The following CTNNA2 variants were observed in gnomAD, a reference collection of about 807,000 sequenced individuals.
The protein encoded by CTNNA2 is catenin alpha 2.
CTNNA2 carries 42 observed loss-of-function variants against 101.0 expected under a neutral mutation model. That is an observed-to-expected ratio of 0.42 (90% CI 0.32 to 0.54). The LOEUF (loss-of-function observed/expected upper bound fraction) is 0.54, where lower values mean the gene tolerates loss of function less well. Ranked by LOEUF, CTNNA2 falls within the 20% of genes least tolerant of loss-of-function variation. The pLI is 0.14. For missense variants in CTNNA2, 871 were observed against 1,223.1 expected (o/e 0.71, Z 4.29); for synonymous variants, 450 against 456.4 (o/e 0.99, Z 0.18).
chr2:80,471,729 T>A (rs1044402113), intron 9 of CTNNA2, among the ~76,000 whole-genome samples: 14 of 152,152 alleles, frequency 9.2e-5, no homozygotes, highest in African/African-American at 3.4e-4. Flanking sequence ...CGATATACCA[T>A]AATGTAAGGA....
At chr2:79,988,901 T>C (rs1006426257) in intron 7 of CTNNA2, among the ~76,000 whole-genome samples, 2 of 152,240 alleles carry the variant, frequency 1.3e-5, no homozygotes, top group Non-Finnish European at 2.9e-5. Flanking sequence ...AAGTCTACTG[T>C]AATTTGTATT....
chr2:80,359,355 C>T (rs1298111374), intron 7 of CTNNA2, among the ~76,000 whole-genome samples: 1 of 152,176 alleles, frequency 6.6e-6, no homozygotes, highest in Admixed American at 6.6e-5. Context: ...TACATTTATG[C>T]CGATGATACA....
Position 79,494,277 on chromosome 2 carries a change from A to ATT in CTNNA2, c.-134-10764_-134-10763dup, listed in dbSNP as rs35039244. Among the ~76,000 whole-genome samples the ATT allele has an allele frequency of 7.7e-3, 1,128 of 147,202 alleles. 7 individuals are homozygous for ATT. The highest frequency in any genetic ancestry group is 0.026 in the African/African-American group (1,033 of 40,348). ...TCCTTTAAAAATTCCCAGCTGCCCT[A>ATT]TTTTTTTTTTTTTTCAGAAATTGAC... On this transcript the variant is annotated intron_variant, in intron 4 of 21. Coordinates refer to the CTNNA2 transcript ENST00000466387.
At chr2:80,342,209 C>G (rs1474305474) in intron 7 of CTNNA2, among the ~76,000 whole-genome samples, 1 of 152,146 alleles carries the variant, frequency 6.6e-6, no homozygotes, top group African/African-American at 2.4e-5. Context: ...TTGCACAACT[C>G]TGAACTCATT....
At chr2:79,687,503 C>T (rs1684013630) in intron 2 of CTNNA2, 2 of 618,764 alleles carry the variant, frequency 3.2e-6, no homozygotes, top group Non-Finnish European at 5.8e-6. Context: ...TTTGCATTAC[C>T]CAGAGGGCAC....
intron 7 of CTNNA2, among the ~76,000 whole-genome samples, chr2:80,282,017 G>T (rs1406867169): frequency 1.3e-5 from 2 of 151,888 alleles, no homozygotes; most frequent in Non-Finnish European, 2.9e-5. Flanking sequence ...GGAAAAGCAT[G>T]TAAGTGCAGC....
At chr2:79,692,189 C>T (rs1436257286) in intron 2 of CTNNA2, among the ~76,000 whole-genome samples, 5 of 151,870 alleles carry the variant, frequency 3.3e-5, no homozygotes, top group Non-Finnish European at 5.9e-5. Context: ...GAAAAAGAAC[C>T]ACATCAAAAA....
At chr2:80,505,453 A>G (rs1559164722) in intron 9 of CTNNA2, among the ~76,000 whole-genome samples, 1 of 152,232 alleles carries the variant, frequency 6.6e-6, no homozygotes, top group Non-Finnish European at 1.5e-5. Context: ...TAAGTCTGCC[A>G]TTGGCCTCTT....
intron 9 of CTNNA2, among the ~76,000 whole-genome samples, chr2:80,479,800 A>C (rs933175362): frequency 6.6e-6 from 1 of 152,196 alleles, no homozygotes; most frequent in Non-Finnish European, 1.5e-5. Flanking sequence ...CATTTTAATC[A>C]CAGATATTGT....
chr2:80,379,235 C>T (rs1317154620), intron 7 of CTNNA2, among the ~76,000 whole-genome samples: 3 of 152,092 alleles, frequency 2.0e-5, no homozygotes, highest in Admixed American at 1.3e-4. Flanking sequence ...GTTTCTTAAG[C>T]TCTTTATGCC....
At chr2:80,248,817 G>A (rs1360633339) in intron 7 of CTNNA2, among the ~76,000 whole-genome samples, 1 of 152,208 alleles carries the variant, frequency 6.6e-6, no homozygotes, top group Non-Finnish European at 1.5e-5. Flanking sequence ...CAGTTTAGTA[G>A]TGAAGCAATG....
At chr2:79,746,772 A>T (rs13007910) in intron 3 of CTNNA2, among the ~76,000 whole-genome samples, 52,675 of 151,806 alleles carry the variant, frequency 0.35, 9,426 homozygotes, top group African/African-American at 0.44. Flanking sequence ...TTTATCTGAA[A>T]CTCCTGTCAT....
intron 2 of CTNNA2, among the ~76,000 whole-genome samples, chr2:79,709,026 T>C (rs1685572995): frequency 6.6e-6 from 1 of 152,234 alleles, no homozygotes; most frequent in African/African-American, 2.4e-5. Flanking sequence ...TGAGGATTTC[T>C]ATTTCAGTTA....
intron 2 of CTNNA2, among the ~76,000 whole-genome samples, chr2:79,213,314 T>C (rs560933878): frequency 5.9e-5 from 9 of 152,252 alleles, no homozygotes; most frequent in Non-Finnish European, 1.2e-4. Flanking sequence ...CTTTGAGAAG[T>C]GTTTTTATTA....
chr2:79,916,899 A>C (rs1686270344), intron 7 of CTNNA2, among the ~76,000 whole-genome samples: 2 of 152,006 alleles, frequency 1.3e-5, no homozygotes, highest in African/African-American at 2.4e-5. Flanking sequence ...CTAGGATTAC[A>C]GGCTTGAGCC....
chr2:79,933,583 T>G (rs1206858308), intron 7 of CTNNA2, among the ~76,000 whole-genome samples: 3 of 152,064 alleles, frequency 2.0e-5, no homozygotes, highest in Non-Finnish European at 4.4e-5. Context: ...GCCTCCCTAG[T>G]AGCCAGGATT....
In CTNNA2 at chr2:79,630,988, C is replaced by A. The variant is rs182122273; in HGVS notation, c.-5-20564C>A. ...TCTTCACTGAAAGCTGGTTGAAACC[C>A]TTCGTTGTGAAGTCTATCTTCCTGA... On this transcript the variant is annotated intron_variant, in intron 1 of 18. Coordinates refer to ENST00000402739, the MANE Select transcript of CTNNA2 (RefSeq NM_001282597.3). Among the ~76,000 whole-genome samples the A allele has an allele frequency of 3.2e-3, 487 of 150,826 alleles. 3 individuals are homozygous for A. The highest frequency in any genetic ancestry group is 0.012 in the African/African-American group (470 of 40,240).
chr2:80,614,763 A>G (rs1698716046), intron 17 of CTNNA2, among the ~76,000 whole-genome samples: 1 of 151,326 alleles, frequency 6.6e-6, no homozygotes, highest in Admixed American at 6.6e-5. Context: ...CCAGTTTTGA[A>G]CCAGTTTTGG....
rs960210254 is a variant in CTNNA2 at position 80,560,929 on chromosome 2, A to G, written c.1741+5036A>G. On this transcript the variant is annotated intron_variant, in intron 12 of 18. Transcript: ENST00000402739. ...ATTGATTAAATGAATACCAAAAATG[A>G]GAACTTTACACTTTGTCTTTTTTTT... Among the ~76,000 whole-genome samples the G allele has an allele frequency of 1.2e-3, 181 of 152,306 alleles. 1 individual carries two copies. The highest frequency in any genetic ancestry group is 2.5e-3 in the South Asian group (12 of 4,830).
Sources: gnomAD v4.1 joint callset for allele counts (sites outside exome capture counted in the v4.1 genomes callset) on GRCh38, gnomAD v4.1.1 for gene constraint, MANE v1.5 for transcripts, NCBI Gene and HGNC (gene_info 2026-07-23, HGNC 2026-07-21) for gene names.